The following CFAP99 variants were observed in gnomAD, a reference collection of about 807,000 sequenced individuals.
CFAP99 encodes cilia- and flagella-associated protein 99.
CFAP99 carries 84 observed loss-of-function variants against 82.7 expected under a neutral mutation model. The ratio of observed to expected loss-of-function variants is 1.02; its 90% CI spans 0.85 to 1.22. The LOEUF is 1.22. CFAP99 is among the 50% of genes most tolerant of loss of function. CFAP99 has a pLI of 0.00. For synonymous variants in CFAP99, 456 were observed against 429.5 expected (o/e 1.06, Z -0.76); for missense variants, 1,059 against 983.5 (o/e 1.08, Z -1.03).
intron 2 of CFAP99, chr4:2,428,441 C>T (rs1177734088): frequency 6.6e-6 from 1 of 152,344 alleles, no homozygotes; most frequent in African/African-American, 2.4e-5. Context: ...GCGGTCCTTC[C>T]CTTCTATCTA....
At chr4:2,443,152 C>A in exon 5 of CFAP99, 1 of 1,535,464 alleles carries the variant, frequency 6.5e-7, no homozygotes, top group South Asian at 1.2e-5. Flanking sequence ...TTCTTCAACC[C>A]CCTGCACCTG....
At chr4:2,433,933 A>T (rs1022940920) in intron 2 of CFAP99, among the ~76,000 whole-genome samples, 1 of 152,204 alleles carries the variant, frequency 6.6e-6, no homozygotes, top group Non-Finnish European at 1.5e-5. Context: ...GGCCACGGTG[A>T]GGAAGGACGC....
At chr4:2,459,369 C>G in intron 13 of CFAP99, 111 bp downstream of exon 13, 4 of 1,285,234 alleles carry the variant, frequency 3.1e-6, no homozygotes, top group Non-Finnish European at 4.1e-6. Context: ...TCTTGCACCA[C>G]CTGAAACCTG....
At chr4:2,437,167 C>G in intron 3 of CFAP99, 149 bp downstream of exon 3, 2 of 983,978 alleles carry the variant, frequency 2.0e-6, no homozygotes, top group East Asian at 5.2e-5. Flanking sequence ...CCTCACCTCA[C>G]TTGGTCCTTA....
rs543440425 is a variant in CFAP99, at chr4:2,429,685, G to A, written c.111+3099G>A. ...CTGCTCACTGCAAGCTCCGCCTCCTGGGTTCACGCCATTCTCCTGCCTCAG... is the reference window on the plus strand; with the variant it reads ...CTGCTCACTGCAAGCTCCGCCTCCTAGGTTCACGCCATTCTCCTGCCTCAG... On this transcript the variant is annotated intron_variant, in intron 2 of 14. Transcript: ENST00000635017. Among the ~76,000 whole-genome samples the A allele has an allele frequency of 7.9e-5, 12 of 151,868 alleles. No homozygotes were observed. The South Asian group carries it at 2.5e-3, about 32-fold the overall frequency.
intron 14 of CFAP99, among the ~76,000 whole-genome samples, chr4:2,460,608 CT>C (rs1734599896): frequency 6.6e-6 from 1 of 152,196 alleles, no homozygotes; most frequent in Non-Finnish European, 1.5e-5. Flanking sequence ...CATACATCTT[CT>C]AAAAAAATAG....
chr4:2,422,938 C>T (rs904608283), intron 1 of CFAP99, among the ~76,000 whole-genome samples: 1 of 152,190 alleles, frequency 6.6e-6, no homozygotes, highest in Non-Finnish European at 1.5e-5. Context: ...CCCCAAGGAG[C>T]TAGGACTACA....
intron 1 of CFAP99, among the ~76,000 whole-genome samples, chr4:2,425,808 G>A (rs976056967): frequency 6.6e-6 from 1 of 152,122 alleles, no homozygotes; most frequent in Non-Finnish European, 1.5e-5. Context: ...AGGTCCCCTG[G>A]GAGGGGCTCT....
At chr4:2,442,561 G>A (rs866558108) in intron 4 of CFAP99, among the ~76,000 whole-genome samples, 55 of 152,048 alleles carry the variant, frequency 3.6e-4, no homozygotes, top group Middle Eastern at 3.2e-3. Context: ...GTGCCTCCTC[G>A]GCCACCTCCC....
chr4:2,454,581 CTTTTTTTTTTTTGTTTTTTTTT>C (rs1459688913), intron 11 of CFAP99, among the ~76,000 whole-genome samples: 6 of 94,730 alleles, frequency 6.3e-5, no homozygotes, highest in African/African-American at 1.3e-4. Context: ...TGTTTTTTTT[CTTTTTTTTTTTTGTTTTTTTTT>C]TTTTTTGGTT....
intron 9 of CFAP99, 91 bp downstream of exon 9, chr4:2,451,109 C>T (rs1026143546): frequency 2.0e-6 from 3 of 1,464,406 alleles, no homozygotes; most frequent in East Asian, 2.5e-5. Context: ...ATGACCTGAG[C>T]TGGGGGACCT....
chr4:2,433,761 A>G (rs1733849390), intron 2 of CFAP99, among the ~76,000 whole-genome samples: 1 of 152,238 alleles, frequency 6.6e-6, no homozygotes, highest in Non-Finnish European at 1.5e-5. Flanking sequence ...GCTGGTCAGA[A>G]GCACAGTCCT....
exon 4 of CFAP99, chr4:2,438,129 A>G (rs1733958140): frequency 2.0e-6 from 3 of 1,535,516 alleles, no homozygotes; most frequent in African/African-American, 1.4e-5. Flanking sequence ...ATTCTGTAAC[A>G]TCATCAAGTC....
Position 2,426,518 on chromosome 4 carries a change from C to T in CFAP99, c.43C>T (p.Leu15Phe), listed in dbSNP as rs1421490676. Reference sequence around the variant, plus strand: ...ATGCATTGAAACTGTGATCGAGCAACTCGACAAATTTACACCCAAGAGGGA... The same window carrying T: ...ATGCATTGAAACTGTGATCGAGCAATTCGACAAATTTACACCCAAGAGGGA... The change falls in exon 2 of 15, where the codon CTC becomes TTC. Residue 15 changes from leucine to phenylalanine, a missense_variant. Physicochemically the swap from Leu to Phe is conservative, Grantham distance 22. Coordinates refer to ENST00000635017, the Ensembl canonical transcript of CFAP99. The T allele has an allele frequency of 3.9e-6, 6 of 1,536,032 alleles. No individual in the cohort carries two copies. Among genetic ancestry groups the T allele is most frequent in the South Asian group, 1.2e-5 (1 of 84,060 alleles).
chr4:2,443,084 G>A (rs1734085789), intron 4 of CFAP99, 46 bp from the exon 5 acceptor site: 3 of 1,130,140 alleles, frequency 2.7e-6, no homozygotes, highest in Non-Finnish European at 3.8e-6. Flanking sequence ...CCGGTGAGGG[G>A]TTGGGCCCAG....
At chr4:2,443,946 C>T (rs1734106311) in intron 5 of CFAP99, among the ~76,000 whole-genome samples, 1 of 152,126 alleles carries the variant, frequency 6.6e-6, no homozygotes, top group Admixed American at 6.5e-5. Context: ...TCTGATAGGA[C>T]TTGAAGGGAT....
At chr4:2,443,226 A>T (rs1303657728) in exon 5 of CFAP99, 2 of 1,534,800 alleles carry the variant, frequency 1.3e-6, no homozygotes, top group Non-Finnish European at 1.7e-6. Flanking sequence ...GGAGAACTGG[A>T]TCGACCCCCT....
In CFAP99 at chr4:2,462,675, C is replaced by T; in HGVS notation, c.1894C>T (p.Arg632Cys). 4 of 1,260,948 alleles carry T rather than the reference C, an allele frequency of 3.2e-6. No homozygotes were observed. Among genetic ancestry groups the T allele is most frequent in the Non-Finnish European group, 4.0e-6 (4 of 1,004,220 alleles). 78.1% of individuals were successfully genotyped at this position (1,260,948 alleles called of 1,614,324 possible). A position where few individuals can be genotyped will look rare whatever the true frequency, so the allele number is the denominator to read the frequency against. ...GGCCGGGTGGGGATGGCGGGCGCGG[C>T]GCGCAGGGACCGGCGTCCCGGGGCG... is the stretch of plus-strand genomic sequence containing the variant. Residue 632 changes from arginine (R) to cysteine (C), a missense_variant, in exon 15 of 15, where the codon CGC (arginine) becomes TGC (cysteine). Physicochemically the swap from Arg to Cys is radical, Grantham distance 180. Transcript: ENST00000635017. The surrounding 1 kb of genome is among the most constrained non-coding windows in gnomAD (Gnocchi z 4.1).
intron 5 of CFAP99, 150 bp downstream of exon 5, chr4:2,443,392 G>C (rs769264089): frequency 1.6e-6 from 1 of 628,760 alleles, no homozygotes; most frequent in African/African-American, 1.8e-5. Context: ...TGAGATCTTC[G>C]GAGAAGCCCC....
Sources: gnomAD v4.1 joint callset for allele counts (sites outside exome capture counted in the v4.1 genomes callset) on GRCh38, gnomAD v4.1.1 for gene constraint, Gnocchi (gnomAD v3.1) non-coding constraint, MANE v1.5 for transcripts, NCBI Gene and HGNC (gene_info 2026-07-23, HGNC 2026-07-21) for gene names.